The following BMERB1 variants were observed in gnomAD, a reference collection of about 807,000 sequenced individuals.
BMERB1 encodes bMERB domain-containing protein 1.
Under a neutral mutation model 23.6 loss-of-function variants are expected in BMERB1, and 12 were observed. That is an observed-to-expected ratio of 0.51 (90% CI 0.33 to 0.82). The LOEUF (loss-of-function observed/expected upper bound fraction) is 0.82, where lower values mean the gene tolerates loss of function less well. Ranked by LOEUF, BMERB1 falls within the 40% of genes least tolerant of loss-of-function variation. The pLI is 0.03. For synonymous variants in BMERB1, 122 were observed against 96.6 expected, an observed-to-expected ratio of 1.26 and a Z score of -1.54; for missense variants, 247 against 255.4, an observed-to-expected ratio of 0.97 and a Z score of 0.22.
At chr16:15,501,702 G>C (rs2051532242) in intron 1 of BMERB1, among the ~76,000 whole-genome samples, 1 of 152,200 alleles carries the variant, frequency 6.6e-6, no homozygotes, top group Admixed American at 6.5e-5. Flanking sequence ...TTGAACTCCT[G>C]ACCTCAGGTG....
intron 1 of BMERB1, among the ~76,000 whole-genome samples, chr16:15,515,043 C>T (rs2150951291): frequency 6.6e-6 from 1 of 152,310 alleles, no homozygotes; most frequent in South Asian, 2.1e-4. Flanking sequence ...GATCGCTTCA[C>T]CGCACTCCAG....
chr16:15,551,702 G>C (rs2030096847), intron 2 of BMERB1, among the ~76,000 whole-genome samples: 1 of 152,146 alleles, frequency 6.6e-6, no homozygotes, highest in Admixed American at 6.5e-5. Flanking sequence ...CCCGAGACTG[G>C]GTCATTTATA....
intron 1 of BMERB1, among the ~76,000 whole-genome samples, chr16:15,469,205 A>G (rs153811): frequency 0.51 from 77,721 of 151,774 alleles, 20,967 homozygotes; most frequent in Middle Eastern, 0.66. Flanking sequence ...GACTCAAGCA[A>G]TCCTCCCACC....
At chr16:15,450,050 C>T (rs2051028428) in intron 1 of BMERB1, among the ~76,000 whole-genome samples, 1 of 151,900 alleles carries the variant, frequency 6.6e-6, no homozygotes, top group African/African-American at 2.4e-5. Context: ...TCACACCCAG[C>T]CCTGATACAC....
intron 1 of BMERB1, among the ~76,000 whole-genome samples, chr16:15,504,399 TGAG>T (rs2051562026): frequency 6.6e-6 from 1 of 152,188 alleles, no homozygotes; most frequent in Non-Finnish European, 1.5e-5. Flanking sequence ...GGAAATTTAA[TGAG>T]GAGTAGAGGG....
At chr16:15,492,357 C>T (rs912740588) in intron 1 of BMERB1, among the ~76,000 whole-genome samples, 1 of 152,164 alleles carries the variant, frequency 6.6e-6, no homozygotes, top group African/African-American at 2.4e-5. Flanking sequence ...TGGATTTTTG[C>T]TCCACCAGCA....
chr16:15,452,329 A>AGGGAGAGAGGGAGG (rs772546384), intron 1 of BMERB1, among the ~76,000 whole-genome samples: 3 of 90,784 alleles, frequency 3.3e-5, no homozygotes, highest in South Asian at 2.9e-4. Context: ...AGAGGGAGGG[A>AGGGAGAGAGGGAGG]GGGAGAGAGA....
intron 1 of BMERB1, among the ~76,000 whole-genome samples, chr16:15,461,394 C>T (rs950419972): frequency 6.6e-6 from 1 of 151,980 alleles, no homozygotes; most frequent in Non-Finnish European, 1.5e-5. Flanking sequence ...CCCATCTTAC[C>T]GAACCTTCTT....
chr16:15,585,588 T>A (rs1457297824), intron 5 of BMERB1, among the ~76,000 whole-genome samples: 1 of 152,056 alleles, frequency 6.6e-6, no homozygotes, highest in Non-Finnish European at 1.5e-5. Flanking sequence ...TCCCAGCACT[T>A]TGGGAGGCCA....
chr16:15,550,662 A>G (rs1440804018), intron 2 of BMERB1, among the ~76,000 whole-genome samples: 1 of 152,124 alleles, frequency 6.6e-6, no homozygotes, highest in Non-Finnish European at 1.5e-5. Context: ...AAGGCTCCTG[A>G]CTGAAAGAAC....
In BMERB1 at chr16:15,586,922, G is replaced by T; in HGVS notation, c.*93G>T. Reference sequence around the variant, plus strand: ...CACCGGGGCCCAAGAGCTCTCCAAGGCAGAAGGGGTTGAAGGCAAGCCCGT... The same window carrying T: ...CACCGGGGCCCAAGAGCTCTCCAAGTCAGAAGGGGTTGAAGGCAAGCCCGT... On this transcript the variant is annotated 3_prime_UTR_variant, in exon 6 of 6. Transcript: ENST00000300006. 1.1e-6 allele frequency: 1 copy of T among 882,700 alleles called. No individual in the cohort carries two copies. 54.7% of individuals were successfully genotyped at this position (882,700 alleles called of 1,614,324 possible).
intron 1 of BMERB1, chr16:15,448,155 G>C: frequency 3.2e-6 from 1 of 311,820 alleles, no homozygotes. Context: ...CTGCCAACGC[G>C]CTGGGATTAC....
At chr16:15,506,927 TTGAG>T (rs1265595630) in intron 1 of BMERB1, among the ~76,000 whole-genome samples, 5 of 152,116 alleles carry the variant, frequency 3.3e-5, no homozygotes, top group South Asian at 2.1e-4. Flanking sequence ...GCTGCAACAA[TTGAG>T]TGAGTGAGTT....
chr16:15,503,619 C>T (rs2051553776), intron 1 of BMERB1, among the ~76,000 whole-genome samples: 1 of 151,958 alleles, frequency 6.6e-6, no homozygotes, highest in Admixed American at 6.6e-5. Flanking sequence ...ATTTTGGTGT[C>T]CAAAGGGAGG....
intron 2 of BMERB1, among the ~76,000 whole-genome samples, chr16:15,540,002 A>T (rs988821469): frequency 6.6e-6 from 1 of 152,024 alleles, no homozygotes; most frequent in African/African-American, 2.4e-5. Context: ...CTTTACAAAA[A>T]ATTAGCCCAG....
chr16:15,569,049 C>T (rs751397636), intron 3 of BMERB1, among the ~76,000 whole-genome samples: 9 of 152,012 alleles, frequency 5.9e-5, no homozygotes, highest in Non-Finnish European at 1.2e-4. Context: ...AACCCCATCT[C>T]TAGTAAAAAT....
intron 2 of BMERB1, among the ~76,000 whole-genome samples, chr16:15,521,953 T>A (rs1252099803): frequency 6.6e-6 from 1 of 152,166 alleles, no homozygotes; most frequent in Non-Finnish European, 1.5e-5. Flanking sequence ...AGACTCATTT[T>A]CTCGCCTTCC....
intron 1 of BMERB1, among the ~76,000 whole-genome samples, chr16:15,499,314 C>G (rs2051503911): frequency 1.3e-5 from 2 of 151,988 alleles, no homozygotes; most frequent in South Asian, 4.2e-4. Context: ...AGGAGAATCA[C>G]TTGAACCCGG....
At chr16:15,532,231 GT>G (rs200679110) in intron 2 of BMERB1, among the ~76,000 whole-genome samples, 2 of 148,116 alleles carry the variant, frequency 1.4e-5, no homozygotes, top group Non-Finnish European at 3.0e-5. Flanking sequence ...TTGTTTTTTT[GT>G]TTTTTTTGTT....
Sources: allele counts gnomAD v4.1 joint callset (sites outside exome capture counted in the v4.1 genomes callset), GRCh38; gene constraint gnomAD v4.1.1; transcripts MANE v1.5; gene names NCBI Gene and HGNC (gene_info 2026-07-23, HGNC 2026-07-21).